Variants in CEP63 observed in about 807,000 individuals in gnomAD.
CEP63 encodes centrosomal protein of 63 kDa.
Under a neutral mutation model 89.1 loss-of-function variants are expected in CEP63, and 84 were observed. That is an observed-to-expected ratio of 0.94 (90% CI 0.79 to 1.13). The LOEUF (loss-of-function observed/expected upper bound fraction) is 1.13. CEP63 is among the 50% of genes most tolerant of loss of function. The pLI, the probability that CEP63 is intolerant of heterozygous loss-of-function variation, is 0.00. For synonymous variants in CEP63, 267 were observed against 272.5 expected, an observed-to-expected ratio of 0.98 and a Z score of 0.20; for missense variants, 838 against 813.3, an observed-to-expected ratio of 1.03 and a Z score of -0.37.
the CEP63 span, among the ~76,000 whole-genome samples, chr3:134,593,638 G>A: frequency 6.6e-6 from 1 of 152,180 alleles, no homozygotes; most frequent in African/African-American, 2.4e-5. Context: ...TGAAATCAAT[G>A]TGTATAGAGG....
the CEP63 span, among the ~76,000 whole-genome samples, chr3:134,646,717 C>T: frequency 6.6e-6 from 1 of 152,170 alleles, no homozygotes; most frequent in Non-Finnish European, 1.5e-5. Context: ...AGCCAGTCAT[C>T]TGATCCTAGG....
the CEP63 span, among the ~76,000 whole-genome samples, chr3:134,654,967 A>T: frequency 6.6e-6 from 1 of 152,160 alleles, no homozygotes; most frequent in African/African-American, 2.4e-5. Context: ...TTTGGAAATC[A>T]TATCAATCCC....
the CEP63 span, chr3:134,600,697 G>A: frequency 7.2e-5 from 11 of 152,224 alleles, no homozygotes; most frequent in African/African-American, 2.4e-4. Context: ...TCCTTCAATG[G>A]TATAGTAATG....
the CEP63 span, among the ~76,000 whole-genome samples, chr3:134,703,614 C>T: frequency 1.3e-5 from 2 of 151,518 alleles, no homozygotes; most frequent in East Asian, 1.9e-4. Flanking sequence ...ACAGTACACA[C>T]GGGGGCCTGT....
chr3:134,767,436 C>G, the CEP63 span, among the ~76,000 whole-genome samples: 946 of 152,252 alleles, frequency 6.2e-3, 10 homozygotes, highest in African/African-American at 0.021. Flanking sequence ...TCTGGCCTTC[C>G]ACGCTCCACA....
intron 10 of CEP63, among the ~76,000 whole-genome samples, chr3:134,584,954 G>C (rs1009026224): frequency 1.0e-4 from 1 of 9,900 alleles, no homozygotes; most frequent in Non-Finnish European, 1.8e-4. Context: ...AGATTTTCTA[G>C]GGTTTTTTTT....
chr3:134,537,268 G>C lies in CEP63; in HGVS notation c.555G>C (p.Gln185His), dbSNP rs114108011. The stretch of plus-strand genomic sequence containing the variant: ...TGGCTGAACAATCAGAGATAATTCA[G>C]GTAGGCCTAAGACTTTTTAAAATAA... ...KALAEQSEII[Q>H]AQLVNRKQKL... The change falls in exon 6 of 15, where the codon CAG becomes CAC. Residue 185 changes from glutamine to histidine, a missense_variant and splice_region_variant. Coordinates refer to ENST00000675561, the MANE Select transcript of CEP63 (RefSeq NM_001353108.3). 32,973 of 1,583,514 alleles carry C rather than the reference G, an allele frequency of 0.021. 571 individuals carry two copies. Among genetic ancestry groups the C allele is most frequent in the Non-Finnish European group, 0.022 (25,086 of 1,152,048 alleles).
At chr3:134,679,692 A>G in the CEP63 span, among the ~76,000 whole-genome samples, 2 of 152,182 alleles carry the variant, frequency 1.3e-5, no homozygotes, top group Non-Finnish European at 2.9e-5. Flanking sequence ...TGAAGTCATC[A>G]GGGTGGGCTC....
In CEP63 at chr3:134,550,166, T is replaced by C. The variant is rs1236023502; in HGVS notation, c.1286T>C (p.Ile429Thr). ...ACTCAGGAGTTACATCAGCGAGATA[T>C]CACTATTGCTTCCACCAAAGGTTCT... ...HLTQELHQRD[I>T]TIASTKGSSS... Residue 429 changes from isoleucine (I) to threonine (T), a missense_variant, in exon 11 of 15, where the codon ATC becomes ACC. Coordinates refer to ENST00000675561, the MANE Select transcript of CEP63 (RefSeq NM_001353108.3). 3.7e-6 allele frequency: 6 copies of C among 1,614,040 alleles called. No individual in the cohort carries two copies. The highest frequency in any genetic ancestry group is 2.2e-5 in the South Asian group (2 of 91,086).
chr3:134,605,404 G>A, the CEP63 span, among the ~76,000 whole-genome samples: 1 of 152,142 alleles, frequency 6.6e-6, no homozygotes, highest in East Asian at 1.9e-4. Context: ...CATGTCCCTA[G>A]GAACTTTCCC....
intron 4 of CEP63, among the ~76,000 whole-genome samples, chr3:134,532,410 C>T (rs1385637089): frequency 2.0e-5 from 3 of 152,258 alleles, no homozygotes; most frequent in East Asian, 1.9e-4. Context: ...GTACTCTTCT[C>T]CTGCATCCTG....
chr3:134,753,430 C>T, the CEP63 span, among the ~76,000 whole-genome samples: 4 of 152,284 alleles, frequency 2.6e-5, no homozygotes, highest in South Asian at 8.3e-4. Flanking sequence ...CCTCTGATGG[C>T]CCACATGCTG....
the CEP63 span, among the ~76,000 whole-genome samples, chr3:134,697,226 G>A: frequency 6.6e-6 from 1 of 152,220 alleles, no homozygotes; most frequent in Non-Finnish European, 1.5e-5. Context: ...AGTAAAACTA[G>A]CATCAAGGAC....
At chr3:134,755,353 G>T in the CEP63 span, among the ~76,000 whole-genome samples, 2 of 152,144 alleles carry the variant, frequency 1.3e-5, no homozygotes, top group Non-Finnish European at 2.9e-5. Flanking sequence ...TCTGTGAATG[G>T]CGCCACAGCT....
At chr3:134,741,662 T>C in the CEP63 span, among the ~76,000 whole-genome samples, 1 of 152,278 alleles carries the variant, frequency 6.6e-6, no homozygotes, top group Non-Finnish European at 1.5e-5. Context: ...TTGAGGTTTA[T>C]GCCTTTGCTG....
the CEP63 span, chr3:134,600,771 C>T: frequency 6.6e-6 from 1 of 152,248 alleles, no homozygotes; most frequent in Admixed American, 6.5e-5. Context: ...AAGTTATTTC[C>T]AGGCAAAACA....
At chr3:134,543,769 T>C (rs755634717) in intron 6 of CEP63, among the ~76,000 whole-genome samples, 3 of 152,240 alleles carry the variant, frequency 2.0e-5, no homozygotes, top group Non-Finnish European at 2.9e-5. Context: ...AGCTGGGCTC[T>C]AACCCTTTTC....
intron 2 of CEP63, among the ~76,000 whole-genome samples, chr3:134,503,047 A>G (rs1380627225): frequency 7.7e-6 from 1 of 130,168 alleles, no homozygotes; most frequent in African/African-American, 2.8e-5. Context: ...TCCTCCTGGT[A>G]TTCTTATTTT....
chr3:134,702,782 A>G, the CEP63 span, among the ~76,000 whole-genome samples: 2 of 152,198 alleles, frequency 1.3e-5, no homozygotes. Context: ...GTCTCACACC[A>G]GTCAGAATGG....
Sources: allele counts gnomAD v4.1 joint callset (sites outside exome capture counted in the v4.1 genomes callset), GRCh38; gene constraint gnomAD v4.1.1; transcripts MANE v1.5; gene names NCBI Gene and HGNC (gene_info 2026-07-23, HGNC 2026-07-21).